NXPE2: variants seen among roughly 807,000 people sequenced by gnomAD.
NXPE2 encodes the protein NXPE family member 2.
NXPE2 carries 34 observed loss-of-function variants against 34.4 expected under a neutral mutation model. The ratio of observed to expected loss-of-function variants is 0.99; its 90% CI spans 0.75 to 1.31. The LOEUF is 1.31. NXPE2 is among the 40% of genes most tolerant of loss of function. The probability of loss-of-function intolerance (pLI) is 0.00; values close to 1 mark genes in which losing one functional copy is unlikely to be tolerated. For missense variants in NXPE2, 649 were observed against 672.5 expected, an observed-to-expected ratio of 0.97 and a Z score of 0.39; for synonymous variants, 235 against 231.3, an observed-to-expected ratio of 1.02 and a Z score of -0.15.
At chr11:114,722,256 G>A in the NXPE2 span, among the ~76,000 whole-genome samples, 6 of 152,116 alleles carry the variant, frequency 3.9e-5, no homozygotes, top group Non-Finnish European at 7.4e-5. Flanking sequence ...TAGTGAGGAA[G>A]TTCTCATGAG....
chr11:114,585,023 G>A, the NXPE2 span, among the ~76,000 whole-genome samples: 1 of 152,058 alleles, frequency 6.6e-6, no homozygotes, highest in Non-Finnish European at 1.5e-5. Flanking sequence ...TTGGAAAGGT[G>A]CCTTTATTGC....
the NXPE2 span, among the ~76,000 whole-genome samples, chr11:114,563,448 G>A: frequency 6.6e-6 from 1 of 152,098 alleles, no homozygotes; most frequent in Non-Finnish European, 1.5e-5. Context: ...ACGTGTGGAC[G>A]CTTATCTCTA....
chr11:114,642,791 G>C, the NXPE2 span, among the ~76,000 whole-genome samples: 1 of 152,038 alleles, frequency 6.6e-6, no homozygotes, highest in Non-Finnish European at 1.5e-5. Context: ...TACTGGGCTT[G>C]CTGGGTCAAA....
At chr11:114,667,556 C>T in the NXPE2 span, among the ~76,000 whole-genome samples, 3 of 152,102 alleles carry the variant, frequency 2.0e-5, no homozygotes, top group African/African-American at 7.2e-5. Flanking sequence ...GAAGTCATGA[C>T]ATGTGAGAGT....
At chr11:114,495,432 C>G in the NXPE2 span, among the ~76,000 whole-genome samples, 10 of 151,656 alleles carry the variant, frequency 6.6e-5, no homozygotes, top group African/African-American at 2.4e-4. Flanking sequence ...AAAGTTTTCT[C>G]CACTCTTTCC....
At chr11:114,604,466 G>A in the NXPE2 span, among the ~76,000 whole-genome samples, 1 of 151,996 alleles carries the variant, frequency 6.6e-6, no homozygotes, top group African/African-American at 2.4e-5. Context: ...TGCCTTGTGG[G>A]TAACCACTGT....
chr11:114,647,950 T>G, the NXPE2 span, among the ~76,000 whole-genome samples: 6 of 152,210 alleles, frequency 3.9e-5, no homozygotes, highest in Non-Finnish European at 8.8e-5. Flanking sequence ...TCCACCTGCC[T>G]TGGCCTCCCA....
chr11:114,580,116 T>C, the NXPE2 span: 1 of 1,600,740 alleles, frequency 6.2e-7, no homozygotes, highest in Non-Finnish European at 8.6e-7. Flanking sequence ...GAATTATAGC[T>C]TAGACTGAGG....
At chr11:114,605,545 C>G in the NXPE2 span, among the ~76,000 whole-genome samples, 26 of 151,874 alleles carry the variant, frequency 1.7e-4, no homozygotes, top group African/African-American at 6.0e-4. Context: ...AATGTGTTGC[C>G]TCATGGGTAA....
At chr11:114,511,159 G>GA in the NXPE2 span, among the ~76,000 whole-genome samples, 2 of 152,214 alleles carry the variant, frequency 1.3e-5, no homozygotes, top group African/African-American at 4.8e-5. Context: ...ATGCTTACTG[G>GA]AAAAAATATA....
the NXPE2 span, among the ~76,000 whole-genome samples, chr11:114,499,998 T>C: frequency 1.3e-5 from 2 of 152,032 alleles, no homozygotes; most frequent in Non-Finnish European, 2.9e-5. Context: ...GGTATGACTA[T>C]ACCACAATTT....
the NXPE2 span, among the ~76,000 whole-genome samples, chr11:114,790,438 G>A: frequency 6.6e-6 from 1 of 152,128 alleles, no homozygotes; most frequent in Non-Finnish European, 1.5e-5. Context: ...TTTATAGAAG[G>A]AGAAGTTACA....
chr11:114,662,352 C>A, the NXPE2 span, among the ~76,000 whole-genome samples: 1 of 152,248 alleles, frequency 6.6e-6, no homozygotes, highest in South Asian at 2.1e-4. Flanking sequence ...TTAAACCAGC[C>A]CTAGCCAGAG....
chr11:114,636,304 G>T, the NXPE2 span, among the ~76,000 whole-genome samples: 3 of 151,996 alleles, frequency 2.0e-5, no homozygotes, highest in Non-Finnish European at 4.4e-5. Flanking sequence ...GAGATCGGTG[G>T]TGATATCCCC....
At chr11:114,674,496 T>G (rs753390103), upstream of NXPE2, among the ~76,000 whole-genome samples, 6 of 151,548 alleles carry the variant, frequency 4.0e-5, no homozygotes, top group Non-Finnish European at 3.0e-5. Context: ...GTATGTTTTA[T>G]GCAAACCTCA....
chr11:114,747,571 C>T, the NXPE2 span, among the ~76,000 whole-genome samples: 3 of 152,070 alleles, frequency 2.0e-5, no homozygotes, highest in Non-Finnish European at 2.9e-5. Context: ...ATAATCATAG[C>T]TAAAGGTGAA....
At chr11:114,632,402 CAT>C in the NXPE2 span, among the ~76,000 whole-genome samples, 1 of 128,080 alleles carries the variant, frequency 7.8e-6, no homozygotes, top group Non-Finnish European at 1.6e-5. Flanking sequence ...TATAAATATA[CAT>C]ATATAATTTT....
intron 2 of NXPE2, 74 bp downstream of exon 2, chr11:114,679,836 C>A: frequency 1.2e-6 from 1 of 850,014 alleles, no homozygotes; most frequent in Non-Finnish European, 1.9e-6. Flanking sequence ...TTTATCATGG[C>A]AAGAAATAAA....
the NXPE2 span, among the ~76,000 whole-genome samples, chr11:114,488,291 G>A: frequency 6.6e-6 from 1 of 152,060 alleles, no homozygotes; most frequent in Admixed American, 6.6e-5. Flanking sequence ...ATTGGCATGT[G>A]GTTGCTCATA....
Sources: gnomAD v4.1 joint callset for allele counts (sites outside exome capture counted in the v4.1 genomes callset) on GRCh38, gnomAD v4.1.1 for gene constraint, MANE v1.5 for transcripts, NCBI Gene and HGNC (gene_info 2026-07-23, HGNC 2026-07-21) for gene names.